The following GPATCH8 variants were observed in gnomAD, a reference collection of about 807,000 sequenced individuals.
The protein encoded by GPATCH8 is G-patch domain containing 8.
In GPATCH8, 18 loss-of-function variants were observed where a neutral mutation model predicts 118.3. The ratio of observed to expected loss-of-function variants is 0.15; its 90% confidence interval spans 0.11 to 0.23. The LOEUF (loss-of-function observed/expected upper bound fraction) is 0.23. GPATCH8 is among the 10% of genes least tolerant of loss of function. GPATCH8 has a pLI of 1.00. For synonymous variants in GPATCH8, 659 were observed against 684.7 expected (o/e 0.96, Z 0.59); for missense variants, 1,631 against 1,873.8 (o/e 0.87, Z 2.39).
At chr17:44,491,077 A>C (rs1482883987) in intron 1 of GPATCH8, among the ~76,000 whole-genome samples, 1 of 152,218 alleles carries the variant, frequency 6.6e-6, no homozygotes, top group Non-Finnish European at 1.5e-5. Flanking sequence ...GAGAAGAAGG[A>C]ATTATTAGGA....
Position 44,397,632 on chromosome 17 carries a change from T to C in GPATCH8, c.4445A>G (p.His1482Arg). Residue 1482 changes from histidine (H) to arginine (R), a missense_variant, in exon 8 of 8, where the codon CAC (histidine) becomes CGC (arginine). His to Arg is a conservative substitution (Grantham distance 29). Transcript: ENST00000591680. ...AAAAATALHL[H>R]PLLHPIFSGQ... The stretch of plus-strand genomic sequence containing the variant: ...TGAGAAGATGGGGTGAAGTAGTGGG[T>C]GAAGGTGAAGTGCAGTGGCAGCTGC... 1 of 1,612,956 alleles carries C rather than the reference T, an allele frequency of 6.2e-7. No individual in the cohort carries two copies. The highest frequency in any genetic ancestry group is 8.5e-7 in the Non-Finnish European group (1 of 1,179,586).
chr17:44,421,365 A>C (rs1438543596), intron 6 of GPATCH8, among the ~76,000 whole-genome samples: 1 of 150,394 alleles, frequency 6.6e-6, no homozygotes, highest in African/African-American at 2.4e-5. Context: ...AAACAAAAAA[A>C]CCTTTTTTTT....
intron 6 of GPATCH8, among the ~76,000 whole-genome samples, chr17:44,415,872 G>C (rs1263608748): frequency 1.3e-5 from 2 of 152,202 alleles, no homozygotes; most frequent in Non-Finnish European, 2.9e-5. Flanking sequence ...CCAAAATGAA[G>C]AACAGTTAGA....
At chr17:44,499,256 C>T (rs969766380) in intron 1 of GPATCH8, among the ~76,000 whole-genome samples, 6 of 152,132 alleles carry the variant, frequency 3.9e-5, no homozygotes, top group African/African-American at 1.2e-4. Flanking sequence ...CACCTGAGGT[C>T]GGGAGTTTGA....
At chr17:44,430,866 G>T (rs980374302) in intron 5 of GPATCH8, among the ~76,000 whole-genome samples, 3 of 149,884 alleles carry the variant, frequency 2.0e-5, no homozygotes, top group Admixed American at 6.7e-5. Flanking sequence ...GGCCAGGCTG[G>T]TCTGGAACTC....
At chr17:44,450,778 C>T (rs557953408) in intron 3 of GPATCH8, among the ~76,000 whole-genome samples, 1 of 152,246 alleles carries the variant, frequency 6.6e-6, no homozygotes, top group South Asian at 2.1e-4. Context: ...CAACGCTTCT[C>T]ATGGAAGAAT....
intron 6 of GPATCH8, among the ~76,000 whole-genome samples, chr17:44,406,842 T>TTAAAA (rs2049251220): frequency 6.6e-6 from 1 of 152,168 alleles, no homozygotes; most frequent in Non-Finnish European, 1.5e-5. Context: ...ATAATTTTCC[T>TTAAAA]TAAAATAAAA....
intron 5 of GPATCH8, among the ~76,000 whole-genome samples, chr17:44,433,279 TCAGA>T (rs2050383170): frequency 1.3e-5 from 2 of 152,244 alleles, no homozygotes; most frequent in Admixed American, 6.5e-5. Flanking sequence ...TGTTTATATT[TCAGA>T]CAGTACATAA....
chr17:44,482,571 C>T (rs1383424647), intron 1 of GPATCH8, among the ~76,000 whole-genome samples: 1 of 70,408 alleles, frequency 1.4e-5, no homozygotes, highest in African/African-American at 5.0e-5. Flanking sequence ...CAGACTCCAT[C>T]TCAAAAAAAA....
intron 2 of GPATCH8, among the ~76,000 whole-genome samples, chr17:44,471,267 A>T (rs1429778812): frequency 6.6e-6 from 1 of 152,228 alleles, no homozygotes; most frequent in Non-Finnish European, 1.5e-5. Context: ...AATAAAATTG[A>T]AATACCAATA....
chr17:44,475,082 A>G (rs933232802), intron 1 of GPATCH8, among the ~76,000 whole-genome samples, 179 bp from the exon 2 acceptor site: 1 of 152,210 alleles, frequency 6.6e-6, no homozygotes, highest in African/African-American at 2.4e-5. Context: ...AACTTTTTAA[A>G]AATTTATAAA....
In GPATCH8 at chr17:44,398,285, A is replaced by G. The variant is rs2048854934; in HGVS notation, c.3792T>C (p.Pro1264=). ...ESLDSSSQPG[P]VESSLLPIAP... ...CTATAGGCAGCAAGCTGGACTCCAC[A>G]GGGCCTGGCTGACTGCTGCTATCCA... is the stretch of plus-strand genomic sequence containing the variant. The change falls in exon 8 of 8, where the codon CCT becomes CCC. Residue 1264 remains proline (P), a synonymous_variant. Transcript: ENST00000591680. The G allele has an allele frequency of 6.2e-7, 1 of 1,613,780 alleles. No homozygotes were observed. The highest frequency in any genetic ancestry group is 8.5e-7 in the Non-Finnish European group (1 of 1,179,830).
At chr17:44,464,375 C>T in intron 3 of GPATCH8, 97 bp downstream of exon 3, 2 of 819,486 alleles carry the variant, frequency 2.4e-6, no homozygotes, top group South Asian at 1.3e-5. Context: ...GGGAGAAACC[C>T]AAGTACTTTT....
Position 44,401,010 on chromosome 17 carries a change from T to C in GPATCH8, c.1067A>G (p.Asp356Gly), listed in dbSNP as rs775328565. ...AGGGTCTTCATCCTCTTTTTTACCA[T>C]CAAGATTACTGCTCCCATCAGAGTC... ...VGDSDGSSNLDGKKEDEDPQD... is the reference protein window; with the variant it reads ...VGDSDGSSNLGGKKEDEDPQD... Residue 356 changes from aspartate (D) to glycine (G), a missense_variant, in exon 8 of 8, where the codon GAT (aspartate) becomes GGT (glycine). Asp to Gly is a moderately conservative substitution (Grantham distance 94, BLOSUM62 -1). Around this residue, in one of 8 missense-constraint regions of GPATCH8, gnomAD observed 405 missense variants for 462.7 expected, o/e 0.88. Coordinates refer to ENST00000591680, the MANE Select transcript of GPATCH8 (RefSeq NM_001002909.4). 2 of 1,614,010 alleles carry C rather than the reference T, an allele frequency of 1.2e-6. No individual in the cohort carries two copies. Among genetic ancestry groups the C allele is most frequent in the Non-Finnish European group, 8.5e-7 (1 of 1,179,848 alleles).
chr17:44,498,832 A>T (rs533503236), intron 1 of GPATCH8, among the ~76,000 whole-genome samples: 1 of 152,344 alleles, frequency 6.6e-6, no homozygotes, highest in East Asian at 1.9e-4. Context: ...CCTGAATTAC[A>T]ATGCCAACTA....
intron 6 of GPATCH8, 151 bp downstream of exon 6, chr17:44,424,198 T>G (rs1357603090): frequency 1.5e-6 from 1 of 660,964 alleles, no homozygotes; most frequent in Non-Finnish European, 2.7e-6. Flanking sequence ...TTTCTGCCAC[T>G]GAAAAAACAA....
At chr17:44,425,628 A>C (rs1598456976) in intron 5 of GPATCH8, among the ~76,000 whole-genome samples, 1 of 152,168 alleles carries the variant, frequency 6.6e-6, no homozygotes, top group South Asian at 2.1e-4. Context: ...TCCTGGGCTC[A>C]AGCAATCTTC....
At chr17:44,474,927 T>G (rs755473600) in intron 1 of GPATCH8, 24 bp from the exon 2 acceptor site, 2 of 1,228,578 alleles carry the variant, frequency 1.6e-6, no homozygotes, top group Non-Finnish European at 1.2e-6. Flanking sequence ...ATTACAGTTA[T>G]TTTTCAAAAG....
chr17:44,469,791 T>G (rs1405003305), intron 2 of GPATCH8, among the ~76,000 whole-genome samples: 1 of 152,220 alleles, frequency 6.6e-6, no homozygotes, highest in African/African-American at 2.4e-5. Flanking sequence ...AAAAGCCATA[T>G]AGTAATGCTA....
Sources: allele counts gnomAD v4.1 joint callset (sites outside exome capture counted in the v4.1 genomes callset), GRCh38; gene constraint gnomAD v4.1.1; regional missense constraint gnomAD v4.1.1; transcripts MANE v1.5; gene names NCBI Gene and HGNC (gene_info 2026-07-23, HGNC 2026-07-21).